The following NAT16 variants were observed in gnomAD, a reference collection of about 807,000 sequenced individuals.
NAT16 encodes probable N-acetyltransferase 16.
A neutral mutation model predicts 15.9 loss-of-function variants in NAT16; 16 were observed. The observed-to-expected ratio is 1.01, with a 90% CI of 0.68 to 1.53. NAT16 has a LOEUF of 1.53. Ranked by LOEUF, NAT16 falls within the 40% of genes most tolerant of loss-of-function variation. The pLI, the probability that NAT16 is intolerant of heterozygous loss-of-function variation, is 0.00. For synonymous variants in NAT16, 260 were observed against 241.9 expected (o/e 1.07, Z -0.69); for missense variants, 572 against 508.4 (o/e 1.13, Z -1.20).
chr7:101,174,344 C>A (rs1457886853), intron 2 of NAT16, 152 bp downstream of exon 2: 2 of 1,038,564 alleles, frequency 1.9e-6, no homozygotes, highest in African/African-American at 3.2e-5. Flanking sequence ...TGGATCCGCA[C>A]TGCACGCCCT....
At chr7:101,178,404 G>A in intron 1 of NAT16, among the ~76,000 whole-genome samples, 1 of 152,096 alleles carries the variant, frequency 6.6e-6, no homozygotes, top group Non-Finnish European at 1.5e-5. Context: ...TGTAACCCTT[G>A]CTTCACATGG....
intron 2 of NAT16, 134 bp downstream of exon 2, chr7:101,174,362 G>T: frequency 3.3e-6 from 4 of 1,219,412 alleles, no homozygotes; most frequent in African/African-American, 1.5e-5. Context: ...CCTGCACTTT[G>T]GTCCCAAAGC....
At chr7:101,178,311 G>A (rs925411742) in intron 1 of NAT16, among the ~76,000 whole-genome samples, 2 of 152,102 alleles carry the variant, frequency 1.3e-5, no homozygotes, top group Admixed American at 1.3e-4. Flanking sequence ...ATGAACAAAG[G>A]TTCCCAGGTC....
In NAT16 at chr7:101,174,550, G is replaced by C; in HGVS notation, c.258C>G (p.Ser86Arg). The change falls in exon 2 of 4, where the codon AGC (serine) becomes AGG (arginine). Residue 86 changes from serine to arginine, a missense_variant. Physicochemically the swap from Ser to Arg is moderately radical, Grantham distance 110. Coordinates refer to ENST00000300303, the MANE Select transcript of NAT16 (RefSeq NM_198571.3). ...CCGTGCGGTCGGGGTCCCGGAGCCA[G>C]CTGTGGTAGCGGCTAGGAAGGTAGT... ...GLDYLPSRYH[S>R]WLRDPDRTVV... 6.2e-7 allele frequency: 1 copy of C among 1,613,910 alleles called. No homozygotes were observed. The highest frequency in any genetic ancestry group is 2.2e-5 in the East Asian group (1 of 44,890).
chr7:101,179,546 G>C (rs368645586), intron 1 of NAT16, among the ~76,000 whole-genome samples: 1 of 150,588 alleles, frequency 6.6e-6, no homozygotes, highest in Non-Finnish European at 1.5e-5. Context: ...AAACAGAGAC[G>C]GGGAGAGGCG....
rs1309465491 is a variant in NAT16, at chr7:101,172,825, T to A, written c.538-174A>T. On this transcript the variant is annotated intron_variant, in intron 3 of 3. Transcript: ENST00000300303. The surrounding 1 kb of genome is among the most constrained non-coding windows in gnomAD (Gnocchi z 4.2). ...CGAGTGGGGTATGGGAAAGCCTGGG[T>A]TTCAAGGGTACCAGACAGGGACCAG... Among the ~76,000 whole-genome samples the A allele has an allele frequency of 6.6e-6, 1 of 151,648 alleles. No individual in the cohort carries two copies. Among genetic ancestry groups the A allele is most frequent in the Non-Finnish European group, 1.5e-5 (1 of 67,892 alleles).
At chr7:101,174,906 C>T (rs1374961113) in intron 1 of NAT16, 95 bp from the exon 2 acceptor site, 2 of 1,330,412 alleles carry the variant, frequency 1.5e-6, no homozygotes, top group Admixed American at 6.1e-5. Flanking sequence ...CCTTCCTACA[C>T]AAATAGCCTT....
intron 2 of NAT16, chr7:101,174,201 T>G (rs1028488812): frequency 2.0e-6 from 1 of 498,394 alleles, no homozygotes; most frequent in Non-Finnish European, 3.5e-6. Flanking sequence ...ACCCTCTCTC[T>G]CCTGCTCCCC....
Position 101,173,378 on chromosome 7 carries a change from G to C in NAT16, c.455C>G (p.Pro152Arg). 6.2e-7 allele frequency: 1 copy of C among 1,613,994 alleles called. No individual in the cohort carries two copies. The highest frequency in any genetic ancestry group is 8.5e-7 in the Non-Finnish European group (1 of 1,179,980). ...GGTGAGCCGTGCCACCTTGACCCCCGGGTGCTGTCTCTTGACCAGCTGCGA... is the reference window on the plus strand; with the variant it reads ...GGTGAGCCGTGCCACCTTGACCCCCCGGTGCTGTCTCTTGACCAGCTGCGA... The part of the protein sequence containing the change: ...FCSQLVKRQH[P>R]GVKVARLTRD... The change falls in exon 3 of 4, where the codon CCG (proline) becomes CGG (arginine). Residue 152 changes from proline (P) to arginine (R), a missense_variant. Transcript: ENST00000300303.
In NAT16 at chr7:101,172,019, G is replaced by A; in HGVS notation, c.*60C>T. The stretch of plus-strand genomic sequence containing the variant: ...CGTCGGAAATGGCAGGAAAGAGGCT[G>A]GCTGGGGAAACTGCGGAAGGGGGCG... On this transcript the variant is annotated 3_prime_UTR_variant, in exon 4 of 4. Coordinates refer to ENST00000300303, the MANE Select transcript of NAT16 (RefSeq NM_198571.3). This position sits in a 1 kb window ranked among gnomAD's most constrained non-coding sequence, Gnocchi z 4.2. 8.0e-7 allele frequency: 1 copy of A among 1,244,602 alleles called. No homozygotes were observed. Among genetic ancestry groups the A allele is most frequent in the East Asian group, 2.5e-5 (1 of 40,714 alleles). 77.1% of individuals were successfully genotyped at this position (1,244,602 alleles called of 1,614,324 possible).
chr7:101,174,061 G>T, intron 2 of NAT16: 1 of 268,878 alleles, frequency 3.7e-6, no homozygotes. Flanking sequence ...CCAGCTCCGA[G>T]TGTGTCAAGT....
intron 2 of NAT16, chr7:101,173,816 T>G: frequency 2.3e-6 from 1 of 431,104 alleles, no homozygotes; most frequent in Non-Finnish European, 4.1e-6. Flanking sequence ...CTCAAACTCC[T>G]GGGCTCAAGC....
chr7:101,175,243 C>T (rs902212129), intron 1 of NAT16, among the ~76,000 whole-genome samples: 2 of 152,056 alleles, frequency 1.3e-5, no homozygotes, highest in African/African-American at 4.8e-5. Flanking sequence ...GTGTGAGCCA[C>T]CACATTGGCC....
At chr7:101,175,599 G>GA (rs1424216835) in intron 1 of NAT16, among the ~76,000 whole-genome samples, 11 of 149,482 alleles carry the variant, frequency 7.4e-5, no homozygotes, top group Non-Finnish European at 1.0e-4. Context: ...CCAGGCAAAA[G>GA]AAAAAAGGCA....
In NAT16 at chr7:101,173,372, A is replaced by AC. The variant is rs1200780392; in HGVS notation, c.460dup (p.Val154GlyfsTer99). 2 of 1,613,744 alleles carry AC rather than the reference A, an allele frequency of 1.2e-6. No homozygotes were observed. The highest frequency in any genetic ancestry group is 1.7e-6 in the Non-Finnish European group (2 of 1,179,942). ...GTCCCGGGTGAGCCGTGCCACCTTGACCCCCGGGTGCTGTCTCTTGACCAG... is the reference window on the plus strand; with the variant it reads ...GTCCCGGGTGAGCCGTGCCACCTTGACCCCCCGGGTGCTGTCTCTTGACCAG... On this transcript the variant is annotated frameshift_variant, in exon 3 of 4. Coordinates refer to ENST00000300303, the MANE Select transcript of NAT16 (RefSeq NM_198571.3). LOFTEE classifies it high-confidence loss of function.
intron 1 of NAT16, among the ~76,000 whole-genome samples, chr7:101,176,969 T>C (rs1797482115): frequency 6.6e-6 from 1 of 151,754 alleles, no homozygotes; most frequent in African/African-American, 2.4e-5. Flanking sequence ...GACCAAGGAG[T>C]GGTTTGCACT....
At chr7:101,175,942 A>G (rs899173164) in intron 1 of NAT16, among the ~76,000 whole-genome samples, 39 of 150,128 alleles carry the variant, frequency 2.6e-4, no homozygotes, top group African/African-American at 8.3e-4. Context: ...AAAAAGAGGC[A>G]CACTCCTTCA....
At chr7:101,173,196 C>A (rs1797375711) in intron 3 of NAT16, 100 bp downstream of exon 3, 3 of 1,104,350 alleles carry the variant, frequency 2.7e-6, no homozygotes, top group South Asian at 2.6e-5. Context: ...TCGGTAAAGC[C>A]CAGAGAGAGA....
intron 2 of NAT16, 37 bp downstream of exon 2, chr7:101,174,459 T>A: frequency 6.4e-7 from 1 of 1,557,982 alleles, no homozygotes; most frequent in Non-Finnish European, 8.7e-7. Flanking sequence ...GCAGGTGGCT[T>A]CACCCCATGT....
Sources: allele counts gnomAD v4.1 joint callset (sites outside exome capture counted in the v4.1 genomes callset), GRCh38; gene constraint gnomAD v4.1.1; non-coding constraint Gnocchi (gnomAD v3.1); transcripts MANE v1.5; gene names NCBI Gene and HGNC (gene_info 2026-07-23, HGNC 2026-07-21).